MYLK: variants seen among roughly 807,000 people sequenced by gnomAD.
MYLK encodes the protein myosin light chain kinase.
Under a neutral mutation model 203.4 loss-of-function variants are expected in MYLK, and 106 were observed. The observed-to-expected ratio is 0.52, with a 90% CI of 0.45 to 0.61. The LOEUF is 0.61. Ranked by LOEUF, MYLK falls within the 20% of genes least tolerant of loss-of-function variation. The pLI is 0.00. For synonymous variants in MYLK, 867 were observed against 959.5 expected, an observed-to-expected ratio of 0.90 and a Z score of 1.78; for missense variants, 2,072 against 2,442.3, an observed-to-expected ratio of 0.85 and a Z score of 3.20.
At chr3:123,814,528 T>C (rs1478153991) in intron 3 of MYLK, among the ~76,000 whole-genome samples, 1 of 152,242 alleles carries the variant, frequency 6.6e-6, no homozygotes, top group Non-Finnish European at 1.5e-5. Flanking sequence ...ATAAATACTA[T>C]AATTTTCTGT....
intron 11 of MYLK, 138 bp from the exon 12 acceptor site, chr3:123,726,216 C>T (rs2062279297): frequency 3.6e-6 from 4 of 1,098,602 alleles, no homozygotes; most frequent in Non-Finnish European, 5.3e-6. Context: ...TGGCTTCTCT[C>T]TCTTCATGCT....
intron 4 of MYLK, among the ~76,000 whole-genome samples, chr3:123,775,571 C>A (rs1044581717): frequency 1.3e-5 from 2 of 152,108 alleles, no homozygotes; most frequent in African/African-American, 4.8e-5. Context: ...CAGTATCCAA[C>A]CCAAAGGCTC....
At chr3:123,709,980 T>G in intron 13 of MYLK, 87 bp from the exon 14 acceptor site, 1 of 1,554,572 alleles carries the variant, frequency 6.4e-7, no homozygotes, top group Non-Finnish European at 8.8e-7. Context: ...TACATGACTG[T>G]GTTGATGCTC....
intron 17 of MYLK, 46 bp downstream of exon 17, chr3:123,701,392 G>A (rs773280403): frequency 8.2e-6 from 13 of 1,586,502 alleles, no homozygotes; most frequent in African/African-American, 4.0e-5. Context: ...GGAGGAAGGT[G>A]GGGATGGGGG....
chr3:123,820,393 T>C (rs1157648228), intron 3 of MYLK, among the ~76,000 whole-genome samples: 2 of 152,160 alleles, frequency 1.3e-5, no homozygotes, highest in African/African-American at 4.8e-5. Context: ...ATATAATTTC[T>C]ACTCACCTCA....
chr3:123,747,155 T>G (rs1048310013), intron 5 of MYLK, among the ~76,000 whole-genome samples: 1 of 152,140 alleles, frequency 6.6e-6, no homozygotes, highest in Non-Finnish European at 1.5e-5. Flanking sequence ...ACAGGAGCAT[T>G]TCCTACGAAT....
At chr3:123,753,137 G>C (rs2063255701) in intron 4 of MYLK, among the ~76,000 whole-genome samples, 1 of 152,146 alleles carries the variant, frequency 6.6e-6, no homozygotes, top group African/African-American at 2.4e-5. Context: ...TCAAAATGTG[G>C]CCAGTGAGAC....
chr3:123,725,972 T>C lies in MYLK; in HGVS notation c.1623A>G (p.Pro541=). The change falls in exon 12 of 34, where the codon CCA becomes CCG. Residue 541 remains proline (P), a synonymous_variant. Coordinates refer to ENST00000360304, the MANE Select transcript of MYLK (RefSeq NM_053025.4). The part of the protein sequence containing the change: ...FVLQCSVRGT[P]VPRITWLLNG... Reference sequence around the variant, plus strand: ...TCAGCAGCCAAGTGATCCGGGGCACTGGGGTCCCCCGTACGGAGCACTGCA... The same window carrying C: ...TCAGCAGCCAAGTGATCCGGGGCACCGGGGTCCCCCGTACGGAGCACTGCA... The C allele has an allele frequency of 6.2e-7, 1 of 1,614,142 alleles. No individual in the cohort carries two copies. Among genetic ancestry groups the C allele is most frequent in the Non-Finnish European group, 8.5e-7 (1 of 1,179,976 alleles).
chr3:123,860,061 T>C (rs927358267), intron 2 of MYLK, among the ~76,000 whole-genome samples: 2 of 152,234 alleles, frequency 1.3e-5, no homozygotes, highest in Admixed American at 1.3e-4. Flanking sequence ...TTCTGAGCAA[T>C]GGCATCATCA....
intron 3 of MYLK, among the ~76,000 whole-genome samples, chr3:123,812,140 C>A (rs527813258): frequency 6.6e-6 from 1 of 152,320 alleles, no homozygotes; most frequent in East Asian, 1.9e-4. Flanking sequence ...CTGAAGAACT[C>A]TTGCCCCCCA....
At chr3:123,664,082 T>C (rs1221000974) in intron 23 of MYLK, 23 bp downstream of exon 23, 23 of 1,613,542 alleles carry the variant, frequency 1.4e-5, no homozygotes, top group Non-Finnish European at 1.9e-5. Flanking sequence ...CCAAGCTCCA[T>C]GCCACCCAGC....
chr3:123,714,480 A>G (rs1314730928), intron 13 of MYLK, among the ~76,000 whole-genome samples: 1 of 152,162 alleles, frequency 6.6e-6, no homozygotes, highest in African/African-American at 2.4e-5. Context: ...CCCCAGTGAC[A>G]AGGTTGTCTC....
At position 123,654,538 on chromosome 3, in the gene MYLK, C is replaced by G. The variant is rs965612656; in HGVS notation, c.4288+2588G>C. ...GTCAAATACATTCTCACCTACTGAT[C>G]AGTTTTGGTTTTCAAGTGACATTCT... On this transcript the variant is annotated intron_variant, in intron 24 of 33. Transcript: ENST00000360304. Among the ~76,000 whole-genome samples, 5 of 152,028 alleles carry G rather than the reference C, an allele frequency of 3.3e-5. 1 individual carries two copies. Among genetic ancestry groups the G allele is most frequent in the African/African-American group, 1.2e-4 (5 of 41,404 alleles).
chr3:123,754,747 C>A (rs986571710), intron 4 of MYLK, among the ~76,000 whole-genome samples: 19 of 152,038 alleles, frequency 1.2e-4, no homozygotes, highest in African/African-American at 4.3e-4. Context: ...GTACACCTGG[C>A]CTTTGCAAAA....
chr3:123,647,785 C>A (rs2059073069), intron 26 of MYLK, among the ~76,000 whole-genome samples: 1 of 151,834 alleles, frequency 6.6e-6, no homozygotes, highest in Middle Eastern at 3.2e-3. Flanking sequence ...CTCCTGGCCT[C>A]AAGCAATCCT....
chr3:123,669,098 C>A (rs796187145), intron 20 of MYLK, among the ~76,000 whole-genome samples: 79 of 152,352 alleles, frequency 5.2e-4, no homozygotes, highest in African/African-American at 1.7e-3. Flanking sequence ...CACGACAGGA[C>A]ACGTGCTGCT....
intron 23 of MYLK, among the ~76,000 whole-genome samples, chr3:123,658,994 A>G (rs142461117): frequency 3.7e-4 from 57 of 152,340 alleles, no homozygotes; most frequent in African/African-American, 1.2e-3. Context: ...GTCATGCCAG[A>G]GGCCTCCTGT....
At chr3:123,737,953 C>A (rs1475860085) in intron 7 of MYLK, among the ~76,000 whole-genome samples, 6 of 152,136 alleles carry the variant, frequency 3.9e-5, no homozygotes, top group Admixed American at 1.3e-4. Flanking sequence ...AAAACCTATT[C>A]CCCTGGCCAT....
chr3:123,756,228 AT>A (rs2063354487), intron 4 of MYLK, among the ~76,000 whole-genome samples: 1 of 152,022 alleles, frequency 6.6e-6, no homozygotes, highest in African/African-American at 2.4e-5. Flanking sequence ...ATAAGCGTCT[AT>A]CTCCAAGAGA....
Sources: allele counts gnomAD v4.1 joint callset (sites outside exome capture counted in the v4.1 genomes callset), GRCh38; gene constraint gnomAD v4.1.1; transcripts MANE v1.5; gene names NCBI Gene and HGNC (gene_info 2026-07-23, HGNC 2026-07-21).